Variants in MOB1B observed in about 807,000 individuals in gnomAD.
MOB1B encodes the protein MOB1 Mps One Binder homolog B.
A neutral mutation model predicts 24.4 loss-of-function variants in MOB1B; 19 were observed. That is an observed-to-expected ratio of 0.78 (90% confidence interval 0.54 to 1.14). The LOEUF is 1.14. Among genes scored for constraint, MOB1B ranks in the 50% most tolerant of loss-of-function variants. MOB1B has a pLI of 0.00. For synonymous variants in MOB1B, 76 were observed against 82.1 expected, an observed-to-expected ratio of 0.93 and a Z score of 0.40; for missense variants, 243 against 259.6, an observed-to-expected ratio of 0.94 and a Z score of 0.44.
At chr4:70,959,228 TCTCA>T (rs895022925) in intron 2 of MOB1B, among the ~76,000 whole-genome samples, 188 bp downstream of exon 2, 3 of 152,162 alleles carry the variant, frequency 2.0e-5, no homozygotes, top group Admixed American at 6.6e-5. Context: ...TGAGACAGGG[TCTCA>T]CTCAGTCACC....
intron 1 of MOB1B, among the ~76,000 whole-genome samples, chr4:70,920,996 C>T (rs950116377): frequency 1.2e-4 from 18 of 152,062 alleles, no homozygotes; most frequent in African/African-American, 3.9e-4. Context: ...AATAACCATT[C>T]GCGGAACCAA....
At chr4:70,971,719 T>C (rs1738762015) in intron 3 of MOB1B, among the ~76,000 whole-genome samples, 1 of 152,160 alleles carries the variant, frequency 6.6e-6, no homozygotes, top group South Asian at 2.1e-4. Context: ...ATAGATGTCT[T>C]TAATTTTTCT....
chr4:70,922,990 C>T (rs1474403103), intron 1 of MOB1B, among the ~76,000 whole-genome samples: 1 of 152,124 alleles, frequency 6.6e-6, no homozygotes, highest in African/African-American at 2.4e-5. Context: ...TTGGGTAAAG[C>T]AGTCTCCATG....
intron 1 of MOB1B, among the ~76,000 whole-genome samples, chr4:70,925,546 GTC>G (rs1736615092): frequency 1.3e-5 from 2 of 152,190 alleles, no homozygotes; most frequent in Non-Finnish European, 2.9e-5. Context: ...GAGGATCAGT[GTC>G]TCTACATAAC....
At chr4:70,959,862 T>C (rs1043647718) in intron 2 of MOB1B, among the ~76,000 whole-genome samples, 2 of 152,054 alleles carry the variant, frequency 1.3e-5, no homozygotes, top group African/African-American at 4.8e-5. Context: ...TACTCAGTTA[T>C]TTGTCTAATT....
At chr4:70,914,994 A>T (rs1736142131) in intron 1 of MOB1B, among the ~76,000 whole-genome samples, 1 of 152,200 alleles carries the variant, frequency 6.6e-6, no homozygotes, top group East Asian at 1.9e-4. Context: ...TACTTCAGAA[A>T]TGTTGGGAGG....
At chr4:70,974,871 T>A (rs1009543812) in intron 3 of MOB1B, among the ~76,000 whole-genome samples, 7 of 152,166 alleles carry the variant, frequency 4.6e-5, no homozygotes, top group African/African-American at 1.7e-4. Flanking sequence ...ACTACAATAA[T>A]GTCTGATTCT....
At chr4:70,980,153 C>T (rs1408911238) in intron 5 of MOB1B, among the ~76,000 whole-genome samples, 1 of 152,134 alleles carries the variant, frequency 6.6e-6, no homozygotes, top group Non-Finnish European at 1.5e-5. Flanking sequence ...CCATCTTCCC[C>T]CTGTACACAC....
chr4:70,975,859 TTAAGG>T (rs1172465705), intron 4 of MOB1B: 2 of 871,076 alleles, frequency 2.3e-6, no homozygotes, highest in Admixed American at 6.2e-5. Flanking sequence ...ATCATGAACA[TTAAGG>T]TAAACCCTCT....
rs1393777713 is a variant in MOB1B, at chr4:70,983,276, A to AT, written c.*1221dup. ...AGATGATACCATACCTTCTTTGGTT[A>AT]TTATAGGTCCAGTTTGAAGCATTCT... On this transcript the variant is annotated 3_prime_UTR_variant, in exon 6 of 6. Transcript: ENST00000309395. 1 of 152,470 alleles carries AT rather than the reference A, an allele frequency of 6.6e-6. No homozygotes were observed. Among genetic ancestry groups the AT allele is most frequent in the Non-Finnish European group, 1.5e-5 (1 of 67,960 alleles). The allele number at this position is 152,470 out of a possible 1,614,324, so 9.4% of individuals were successfully genotyped here. A position where few individuals can be genotyped will look rare whatever the true frequency, so the allele number is the denominator to read the frequency against.
In MOB1B at chr4:70,902,506, C is replaced by G. The variant is rs1354856355; in HGVS notation, c.-31C>G. 13 of 1,557,712 alleles carry G rather than the reference C, an allele frequency of 8.3e-6. No individual in the cohort carries two copies. Among genetic ancestry groups the G allele is most frequent in the Non-Finnish European group, 9.6e-6 (11 of 1,151,470 alleles). On this transcript the variant is annotated 5_prime_UTR_variant, in exon 1 of 6. Transcript: ENST00000309395. ...CCACGCCGCTCCGAGGCCTCGCGAC[C>G]GCCGAGCCTGCAGCCTGCCCCGCGG...
Position 70,975,205 on chromosome 4 carries a change from T to C in MOB1B, c.328T>C (p.Ser110Pro), listed in dbSNP as rs777699597. ...GTNIKKPIKC[S>P]APKYIDYLMT... Reference sequence around the variant, plus strand: ...GAACATAAAGAAACCTATTAAGTGCTCTGCACCAAAGTATATTGATTACTT... The same window carrying C: ...GAACATAAAGAAACCTATTAAGTGCCCTGCACCAAAGTATATTGATTACTT... The change falls in exon 4 of 6, where the codon TCT (serine) becomes CCT (proline). Residue 110 changes from serine to proline, a missense_variant. Coordinates refer to ENST00000309395, the MANE Select transcript of MOB1B (RefSeq NM_173468.4). 22 of 1,613,102 alleles carry C rather than the reference T, an allele frequency of 1.4e-5. No individual in the cohort carries two copies. The highest frequency in any genetic ancestry group is 3.3e-4 in the Middle Eastern group (2 of 6,078).
At chr4:70,971,856 G>C (rs1738768517) in intron 3 of MOB1B, among the ~76,000 whole-genome samples, 1 of 152,102 alleles carries the variant, frequency 6.6e-6, no homozygotes, top group Non-Finnish European at 1.5e-5. Context: ...TAGTGTTAAA[G>C]CTGTGTGGTC....
chr4:70,947,251 T>G (rs1187997993), intron 1 of MOB1B, among the ~76,000 whole-genome samples: 2 of 152,196 alleles, frequency 1.3e-5, no homozygotes, highest in African/African-American at 4.8e-5. Context: ...ATCAAGACAC[T>G]GGGTCTTCTT....
chr4:70,966,594 G>A (rs1418863108), intron 2 of MOB1B, among the ~76,000 whole-genome samples: 1 of 151,636 alleles, frequency 6.6e-6, no homozygotes, highest in Non-Finnish European at 1.5e-5. Flanking sequence ...GGCTGGTCTC[G>A]AACTCCTGAC....
At chr4:70,903,809 T>C (rs756166426) in intron 1 of MOB1B, among the ~76,000 whole-genome samples, 1 of 151,910 alleles carries the variant, frequency 6.6e-6, no homozygotes, top group South Asian at 2.1e-4. Flanking sequence ...ATATTTCCAA[T>C]ATGCATAGGG....
intron 1 of MOB1B, among the ~76,000 whole-genome samples, chr4:70,942,486 A>T (rs952152857): frequency 6.6e-6 from 1 of 152,142 alleles, no homozygotes; most frequent in Non-Finnish European, 1.5e-5. Context: ...CATAAATGCC[A>T]TGGTTTTGAA....
At chr4:70,933,422 A>G (rs1373121942) in intron 1 of MOB1B, among the ~76,000 whole-genome samples, 1 of 152,054 alleles carries the variant, frequency 6.6e-6, no homozygotes, top group Admixed American at 6.5e-5. Context: ...TTGATTAAGC[A>G]TTCAAACTAG....
At chr4:70,976,778 C>CTA (rs1739024890) in intron 4 of MOB1B, 1 of 185,606 alleles carries the variant, frequency 5.4e-6, no homozygotes, top group African/African-American at 3.0e-5. Context: ...ATATATATCT[C>CTA]TCTCTCTCAA....
Sources: gnomAD v4.1 joint callset for allele counts (sites outside exome capture counted in the v4.1 genomes callset) on GRCh38, gnomAD v4.1.1 for gene constraint, MANE v1.5 for transcripts, NCBI Gene and HGNC (gene_info 2026-07-23, HGNC 2026-07-21) for gene names.